ATP8A2: variants seen among roughly 807,000 people sequenced by gnomAD.
ATP8A2 encodes ATPase phospholipid transporting 8A2.
Under a neutral mutation model 165.6 loss-of-function variants are expected in ATP8A2, and 100 were observed. That is an observed-to-expected ratio of 0.60 (90% CI 0.51 to 0.71). ATP8A2 has a LOEUF of 0.71. ATP8A2 is among the 30% of genes least tolerant of loss of function. ATP8A2 has a pLI of 0.00. For missense variants in ATP8A2, 1,227 were observed against 1,479.5 expected (o/e 0.83, Z 2.80); for synonymous variants, 543 against 548.8 (o/e 0.99, Z 0.15).
intron 24 of ATP8A2, among the ~76,000 whole-genome samples, chr13:25,675,775 AC>A (rs1210398678): frequency 3.1e-4 from 47 of 152,150 alleles, no homozygotes; most frequent in Admixed American, 3.0e-3. Flanking sequence ...GGACAAGCTC[AC>A]CTTTGACAGG....
In ATP8A2 at chr13:25,406,769, T is replaced by G. The variant is rs557768290; in HGVS notation, c.76+34481T>G. Among the ~76,000 whole-genome samples the G allele has an allele frequency of 5.9e-5, 9 of 152,344 alleles. No homozygotes were observed. The East Asian group carries it at 9.6e-4, about 16-fold the overall frequency. On this transcript the variant is annotated intron_variant, in intron 1 of 36. Transcript: ENST00000381655. ...TTGAGTAGGGATTGCTGAACCAGTT[T>G]TGTTACTCTTCCCAGAAAATATGTT...
intron 27 of ATP8A2, among the ~76,000 whole-genome samples, chr13:25,816,748 G>A (rs766262): frequency 8.6e-5 from 13 of 151,944 alleles, no homozygotes; most frequent in Admixed American, 6.6e-4. Flanking sequence ...ATAACCCTCC[G>A]CTGGGAGAGT....
chr13:25,750,526 G>T lies in ATP8A2; in HGVS notation c.2385-18520G>T, dbSNP rs571624062. On this transcript the variant is annotated intron_variant, in intron 25 of 36. Coordinates refer to ENST00000381655, the MANE Select transcript of ATP8A2 (RefSeq NM_016529.6). The surrounding 1 kb of genome is among the most constrained non-coding windows in gnomAD (Gnocchi z 4.3). The stretch of plus-strand genomic sequence containing the variant: ...TGTTGCTCTGCCCGGCTCCCATTCC[G>T]AAGGCCGGTGGTTTCAGCCCAGCTT... Among the ~76,000 whole-genome samples the T allele has an allele frequency of 6.6e-6, 1 of 151,922 alleles. No homozygotes were observed. Among genetic ancestry groups the T allele is most frequent in the Non-Finnish European group, 1.5e-5 (1 of 68,012 alleles).
rs200573494 is a variant in ATP8A2, at chr13:25,769,224, G to A, written c.2563G>A (p.Ala855Thr). Residue 855 changes from alanine (A) to threonine (T), a missense_variant, in exon 26 of 37, where the codon GCA becomes ACA. Ala to Thr is a moderately conservative substitution (Grantham distance 58). Around this residue, in one of 5 missense-constraint regions of ATP8A2, gnomAD observed 592 missense variants for 785.6 expected, o/e 0.75. Transcript: ENST00000381655. ...CACCAACAACTCGGATTACGCCATC[G>A]CACAGGTCAGCAGCTTGGGCGTCCA... ...QATNNSDYAI[A>T]QFSYLEKLLL... 12 of 1,608,818 alleles carry A rather than the reference G, an allele frequency of 7.5e-6. No homozygotes were observed. The highest frequency in any genetic ancestry group is 3.3e-5 in the South Asian group (3 of 90,852).
intron 2 of ATP8A2, among the ~76,000 whole-genome samples, chr13:25,483,216 G>A (rs930947545): frequency 1.3e-5 from 2 of 152,234 alleles, no homozygotes; most frequent in African/African-American, 4.8e-5. Flanking sequence ...GCTGTAAGTG[G>A]ACAGAGCACT....
At chr13:25,826,532 G>A (rs74039761) in intron 27 of ATP8A2, among the ~76,000 whole-genome samples, 1,905 of 152,238 alleles carry the variant, frequency 0.013, 43 homozygotes, top group African/African-American at 0.041. Flanking sequence ...GCAGTCTGGT[G>A]GAGTCAAGAA....
chr13:25,447,407 G>A lies in ATP8A2; in HGVS notation c.77-21570G>A, dbSNP rs929388266. Among the ~76,000 whole-genome samples the A allele has an allele frequency of 5.3e-5, 8 of 152,100 alleles. No homozygotes were observed. The South Asian group carries it at 6.2e-4, about 12-fold the overall frequency. ...TATCATTTCTCTGTGTTGGTGAGAT[G>A]GGAGAGTTCCCTTGACCCCCTCGTG... On this transcript the variant is annotated intron_variant, in intron 1 of 36. Transcript: ENST00000381655.
At chr13:25,716,267 A>G (rs2043252903) in intron 25 of ATP8A2, among the ~76,000 whole-genome samples, 1 of 152,086 alleles carries the variant, frequency 6.6e-6, no homozygotes, top group Non-Finnish European at 1.5e-5. Flanking sequence ...ATTTTTTCTA[A>G]TTCATTGGGC....
intron 33 of ATP8A2, among the ~76,000 whole-genome samples, chr13:25,900,083 G>T (rs1211236753): frequency 6.6e-6 from 1 of 152,144 alleles, no homozygotes; most frequent in Non-Finnish European, 1.5e-5. Flanking sequence ...CTCATAAAGG[G>T]TTATAGCCTG....
chr13:25,665,717 A>G (rs907184301), intron 24 of ATP8A2, among the ~76,000 whole-genome samples: 3 of 151,746 alleles, frequency 2.0e-5, no homozygotes, highest in Non-Finnish European at 4.4e-5. Context: ...TGTTTTTATT[A>G]TTATTATTAT....
intron 24 of ATP8A2, among the ~76,000 whole-genome samples, chr13:25,607,020 C>T (rs895735329): frequency 2.0e-5 from 3 of 152,134 alleles, no homozygotes; most frequent in African/African-American, 4.8e-5. Flanking sequence ...CCATTTACCA[C>T]GTGAGCTCCA....
chr13:25,985,960 C>T (rs1033259804), intron 35 of ATP8A2, among the ~76,000 whole-genome samples: 10 of 152,162 alleles, frequency 6.6e-5, no homozygotes, highest in African/African-American at 2.4e-4. Flanking sequence ...TCCTTCAGGC[C>T]TCTGAGAATT....
chr13:25,520,611 T>TG (rs201627434), intron 2 of ATP8A2, among the ~76,000 whole-genome samples: 36 of 133,184 alleles, frequency 2.7e-4, no homozygotes, highest in African/African-American at 1.1e-3. Flanking sequence ...TTTTTGTTTT[T>TG]TTTTTTTGAG....
rs762204443 is a variant in ATP8A2 at position 25,881,595 on chromosome 13, A to AAG, written c.3183+19203_3183+19204dup. ...TCCTCCATGGAGAGAGAGAGAGAGA[A>AAG]AGAGAGAGAGAGAGAGAAAGAGAGA... On this transcript the variant is annotated intron_variant, in intron 33 of 36. Transcript: ENST00000381655. Among the ~76,000 whole-genome samples, 6 of 149,480 alleles carry AAG rather than the reference A, an allele frequency of 4.0e-5. No homozygotes were observed. The East Asian group carries it at 5.8e-4, about 15-fold the overall frequency.
At chr13:25,497,028 C>A (rs2036698692) in intron 2 of ATP8A2, among the ~76,000 whole-genome samples, 1 of 152,106 alleles carries the variant, frequency 6.6e-6, no homozygotes, top group South Asian at 2.1e-4. Flanking sequence ...GGTCTGACTC[C>A]CTCGGCAGGC....
intron 24 of ATP8A2, among the ~76,000 whole-genome samples, chr13:25,593,968 G>C (rs2040164338): frequency 6.6e-6 from 1 of 152,184 alleles, no homozygotes; most frequent in Admixed American, 6.5e-5. Flanking sequence ...TCAGCTACTT[G>C]ATAGTTAAAA....
chr13:25,749,370 C>T lies in ATP8A2; in HGVS notation c.2385-19676C>T, dbSNP rs148710073. ...AGATGGGAGAAGCATCAGAGGACCC[C>T]GCCAGGAAGGAGACGACACTGGAGG... is the stretch of plus-strand genomic sequence containing the variant. On this transcript the variant is annotated intron_variant, in intron 25 of 36. Coordinates refer to ENST00000381655, the MANE Select transcript of ATP8A2 (RefSeq NM_016529.6). Among the ~76,000 whole-genome samples the T allele has an allele frequency of 2.0e-5, 3 of 152,148 alleles. No individual in the cohort carries two copies. The East Asian group carries it at 5.8e-4, about 29-fold the overall frequency.
intron 24 of ATP8A2, among the ~76,000 whole-genome samples, chr13:25,615,382 T>TGGGGGA (rs1197216300): frequency 6.6e-6 from 1 of 152,070 alleles, no homozygotes; most frequent in Non-Finnish European, 1.5e-5. Flanking sequence ...CTGGTCTCAT[T>TGGGGGA]CCTACCGTAT....
chr13:25,561,985 C>T (rs2039169844), intron 15 of ATP8A2, among the ~76,000 whole-genome samples: 1 of 152,208 alleles, frequency 6.6e-6, no homozygotes, highest in Non-Finnish European at 1.5e-5. Context: ...TATGCGATTG[C>T]ATGTATATGC....
Sources: allele counts gnomAD v4.1 joint callset (sites outside exome capture counted in the v4.1 genomes callset), GRCh38; gene constraint gnomAD v4.1.1; regional missense constraint gnomAD v4.1.1; non-coding constraint Gnocchi (gnomAD v3.1); transcripts MANE v1.5; gene names NCBI Gene and HGNC (gene_info 2026-07-23, HGNC 2026-07-21).